Variants in ATF6 observed in about 807,000 individuals in gnomAD.
The protein encoded by ATF6 is cyclic AMP-dependent transcription factor ATF-6 alpha.
ATF6 carries 53 observed loss-of-function variants against 83.6 expected under a neutral mutation model. The ratio of observed to expected loss-of-function variants is 0.63; its 90% CI spans 0.51 to 0.80. ATF6 has a LOEUF of 0.80. ATF6 is among the 30% of genes least tolerant of loss of function. The probability of loss-of-function intolerance (pLI) is 0.00; values close to 1 mark genes in which losing one functional copy is unlikely to be tolerated. For missense variants in ATF6, 744 were observed against 797.9 expected (o/e 0.93, Z 0.81); for synonymous variants, 288 against 285.8 (o/e 1.01, Z -0.08).
intron 7 of ATF6, among the ~76,000 whole-genome samples, chr1:161,817,514 CGTGTGTGTGTGTGTGAGTGTGT>C (rs1685640504): frequency 6.6e-6 from 1 of 150,534 alleles, no homozygotes; most frequent in South Asian, 2.1e-4. Context: ...TATGTGCGTG[CGTGTGTGTGTGTGTGAGTGTGT>C]GTGCATGTGC....
chr1:161,890,878 TG>T (rs1306237600), intron 14 of ATF6: 3 of 152,396 alleles, frequency 2.0e-5, no homozygotes, highest in Non-Finnish European at 4.4e-5. Flanking sequence ...CAAGCACAGC[TG>T]GCCAAGGCGG....
intron 14 of ATF6, among the ~76,000 whole-genome samples, chr1:161,903,878 T>A (rs1687836832): frequency 6.6e-6 from 1 of 152,202 alleles, no homozygotes; most frequent in African/African-American, 2.4e-5. Context: ...CCTGGAACTA[T>A]CTGCATCAGA....
At chr1:161,810,541 T>C (rs1213166307) in intron 7 of ATF6, among the ~76,000 whole-genome samples, 6 of 151,930 alleles carry the variant, frequency 3.9e-5, no homozygotes, top group Non-Finnish European at 2.9e-5. Flanking sequence ...CCTCACCTCA[T>C]CCCTCATATA....
chr1:161,811,163 A>G (rs1454017028), intron 7 of ATF6, among the ~76,000 whole-genome samples: 1 of 152,246 alleles, frequency 6.6e-6, no homozygotes, highest in Admixed American at 6.5e-5. Flanking sequence ...CCATCAATGG[A>G]CAATATATAC....
At chr1:161,831,333 T>C (rs1343146821) in intron 9 of ATF6, among the ~76,000 whole-genome samples, 1 of 152,188 alleles carries the variant, frequency 6.6e-6, no homozygotes, top group Non-Finnish European at 1.5e-5. Flanking sequence ...AGGAACACTT[T>C]TACACTGTTG....
intron 6 of ATF6, among the ~76,000 whole-genome samples, chr1:161,796,882 C>T (rs1685032499): frequency 6.6e-6 from 1 of 150,620 alleles, no homozygotes; most frequent in South Asian, 2.1e-4. Context: ...TGCCTGATTG[C>T]TCTGGCTATG....
At chr1:161,797,137 T>A (rs1366589316) in intron 6 of ATF6, among the ~76,000 whole-genome samples, 1 of 152,164 alleles carries the variant, frequency 6.6e-6, no homozygotes, top group African/African-American at 2.4e-5. Flanking sequence ...GGAGGCCACC[T>A]CAAAACAAAT....
chr1:161,851,384 C>G (rs1182875731), intron 10 of ATF6, among the ~76,000 whole-genome samples: 1 of 152,076 alleles, frequency 6.6e-6, no homozygotes, highest in Non-Finnish European at 1.5e-5. Context: ...CTCAATTACC[C>G]CGTTACTGTG....
At chr1:161,838,544 C>T (rs2101809728) in intron 9 of ATF6, among the ~76,000 whole-genome samples, 1 of 152,276 alleles carries the variant, frequency 6.6e-6, no homozygotes, top group South Asian at 2.1e-4. Context: ...TGACGGCTTT[C>T]AGCTGGGACC....
chr1:161,774,438 T>C (rs201831945), intron 1 of ATF6, among the ~76,000 whole-genome samples: 88 of 130,406 alleles, frequency 6.7e-4, no homozygotes, highest in African/African-American at 1.9e-3. Flanking sequence ...CACACACACA[T>C]ACACACATAT....
chr1:161,797,268 A>G (rs1685044428), intron 6 of ATF6, among the ~76,000 whole-genome samples: 1 of 152,122 alleles, frequency 6.6e-6, no homozygotes, highest in African/African-American at 2.4e-5. Context: ...GAACAAGACA[A>G]GGATGTCCCT....
intron 8 of ATF6, 29 bp from the exon 9 acceptor site, chr1:161,821,041 A>C (rs762415950): frequency 1.3e-6 from 2 of 1,491,092 alleles, no homozygotes; most frequent in African/African-American, 1.4e-5. Flanking sequence ...TGTTAGTTTA[A>C]TTGTATTTAA....
At chr1:161,803,768 A>G (rs953286420) in intron 7 of ATF6, among the ~76,000 whole-genome samples, 2 of 152,188 alleles carry the variant, frequency 1.3e-5, no homozygotes, top group Non-Finnish European at 2.9e-5. Flanking sequence ...AGAAAAGAGT[A>G]TGATTTTCAT....
At chr1:161,841,448 A>G (rs539901117) in intron 9 of ATF6, among the ~76,000 whole-genome samples, 1 of 152,334 alleles carries the variant, frequency 6.6e-6, no homozygotes, top group African/African-American at 2.4e-5. Flanking sequence ...AAAAAACTAC[A>G]GGGAATGTAG....
chr1:161,947,877 T>G (rs1343471956), intron 15 of ATF6, among the ~76,000 whole-genome samples: 1 of 126,490 alleles, frequency 7.9e-6, no homozygotes, highest in African/African-American at 3.0e-5. Flanking sequence ...GAGGCTGGAG[T>G]GCAATGGCAT....
Position 161,863,181 on chromosome 1 carries a change from T to C in ATF6, c.1605-17T>C. The C allele has an allele frequency of 6.9e-7, 1 of 1,455,632 alleles. No individual in the cohort carries two copies. Among genetic ancestry groups the C allele is most frequent in the East Asian group, 2.3e-5 (1 of 43,686 alleles). 90.2% of individuals were successfully genotyped at this position (1,455,632 alleles called of 1,614,324 possible). ...AACTTTTTATTTTAGTAATACCTTA[T>C]ATTTTTCTTACTTTAGCAGGAACTC... is the stretch of plus-strand genomic sequence containing the variant. On this transcript the variant is annotated splice_polypyrimidine_tract_variant and intron_variant, in intron 13 of 15. Transcript: ENST00000367942.
intron 15 of ATF6, among the ~76,000 whole-genome samples, chr1:161,949,624 C>G (rs1036406922): frequency 6.6e-6 from 1 of 152,200 alleles, no homozygotes; most frequent in African/African-American, 2.4e-5. Context: ...CTCAGGCTGC[C>G]TCTACTCACA....
At chr1:161,798,149 C>G (rs1356454559) in intron 6 of ATF6, among the ~76,000 whole-genome samples, 1 of 152,126 alleles carries the variant, frequency 6.6e-6, no homozygotes, top group Admixed American at 6.5e-5. Context: ...TCAGTGTATA[C>G]AAAACCCAAC....
chr1:161,823,367 T>C lies in ATF6; in HGVS notation c.1187+2206T>C, dbSNP rs188078642. Among the ~76,000 whole-genome samples, 427 of 152,294 alleles carry C rather than the reference T, an allele frequency of 2.8e-3. 1 individual carries two copies. The highest frequency in any genetic ancestry group is 0.01 in the African/African-American group (420 of 41,568). The stretch of plus-strand genomic sequence containing the variant: ...GGGGGAAGCTCAAATACATCAGTTT[T>C]AGTTTTTCTCTATATACACATTTAT... On this transcript the variant is annotated intron_variant, in intron 9 of 15. Transcript: ENST00000367942.
Sources: gnomAD v4.1 joint callset for allele counts (sites outside exome capture counted in the v4.1 genomes callset) on GRCh38, gnomAD v4.1.1 for gene constraint, MANE v1.5 for transcripts, NCBI Gene and HGNC (gene_info 2026-07-23, HGNC 2026-07-21) for gene names.